Variants in MYLK observed in about 807,000 individuals in gnomAD.
MYLK encodes the protein myosin light chain kinase, also known as myosin light chain kinase, smooth muscle.
A neutral mutation model predicts 203.4 loss-of-function variants in MYLK; 106 were observed. That is an observed-to-expected ratio of 0.52 (90% CI 0.45 to 0.61). The LOEUF is 0.61. Among genes scored for constraint, MYLK ranks in the 20% least tolerant of loss-of-function variants. The probability of loss-of-function intolerance (pLI) is 0.00; values close to 1 mark genes in which losing one functional copy is unlikely to be tolerated. For synonymous variants in MYLK, 867 were observed against 959.5 expected (o/e 0.90, Z 1.78); for missense variants, 2,072 against 2,442.3 (o/e 0.85, Z 3.20).
chr3:123,856,376 T>A (rs1425835758), intron 2 of MYLK, among the ~76,000 whole-genome samples: 1 of 152,194 alleles, frequency 6.6e-6, no homozygotes, highest in Non-Finnish European at 1.5e-5. Context: ...GGCACATAAA[T>A]CTCAATGCTA....
intron 23 of MYLK, among the ~76,000 whole-genome samples, 165 bp from the exon 24 acceptor site, chr3:123,657,593 T>G (rs1233772521): frequency 6.6e-6 from 1 of 152,198 alleles, no homozygotes; most frequent in Non-Finnish European, 1.5e-5. Context: ...TAGAGCTATG[T>G]ACAAACCCAC....
At chr3:123,764,611 G>A (rs955305421) in intron 4 of MYLK, among the ~76,000 whole-genome samples, 2 of 152,104 alleles carry the variant, frequency 1.3e-5, no homozygotes, top group Non-Finnish European at 1.5e-5. Flanking sequence ...TGAGTACAAC[G>A]CTTTGCCCTG....
intron 20 of MYLK, among the ~76,000 whole-genome samples, chr3:123,670,056 A>AG (rs2059864815): frequency 6.6e-6 from 1 of 150,772 alleles, no homozygotes; most frequent in Non-Finnish European, 1.5e-5. Flanking sequence ...AAAAAAAAAA[A>AG]GCAAACATAG....
intron 3 of MYLK, among the ~76,000 whole-genome samples, chr3:123,794,424 G>A (rs904043268): frequency 1.3e-5 from 2 of 152,144 alleles, no homozygotes; most frequent in African/African-American, 4.8e-5. Context: ...GGCATGGGGG[G>A]ACATCCCACC....
At chr3:123,725,381 A>G (rs933440085) in intron 12 of MYLK, among the ~76,000 whole-genome samples, 29 of 152,194 alleles carry the variant, frequency 1.9e-4, no homozygotes, top group Admixed American at 2.0e-4. Flanking sequence ...TACGGCAAAT[A>G]ATTTTTTAAA....
rs914911472 is a variant in MYLK at position 123,692,197 on chromosome 3, C to A, written c.3565+538G>T. 2.5e-4 allele frequency: 136 copies of A among 537,100 alleles called. 1 individual carries two copies. The Admixed American group carries it at 4.8e-3, about 19-fold the overall frequency. 33.3% of individuals were successfully genotyped at this position (537,100 alleles called of 1,614,324 possible). On this transcript the variant is annotated intron_variant, in intron 19 of 33. Transcript: ENST00000360304. ...CTCCCCGATGTGTCCTCCCACCTCC[C>A]TCTGCAGTATTATTATTACTACTAC...
rs537466736 is a variant in MYLK at position 123,872,726 on chromosome 3, G to A, written c.-127+3833C>T. Among the ~76,000 whole-genome samples, 5 of 152,280 alleles carry A rather than the reference G, an allele frequency of 3.3e-5. No homozygotes were observed. The East Asian group carries it at 9.6e-4, about 29-fold the overall frequency. On this transcript the variant is annotated intron_variant, in intron 2 of 33. Transcript: ENST00000360304. ...TCCATGCCCTCTCCAGGCATTGCCA[G>A]CACCTTGCCAGCATCTCAGTGTGCT...
intron 31 of MYLK, 141 bp from the exon 32 acceptor site, chr3:123,620,477 G>C: frequency 6.4e-7 from 1 of 1,566,090 alleles, no homozygotes; most frequent in Non-Finnish European, 8.6e-7. Context: ...CCGAGGTTCT[G>C]CCAGAGGAGC....
intron 4 of MYLK, among the ~76,000 whole-genome samples, chr3:123,766,198 A>G (rs925058133): frequency 1.3e-5 from 2 of 152,238 alleles, no homozygotes; most frequent in African/African-American, 4.8e-5. Flanking sequence ...ACACTGCCTT[A>G]TAATAAATAA....
chr3:123,737,097 T>C (rs2062697698), intron 8 of MYLK: 2 of 447,812 alleles, frequency 4.5e-6, no homozygotes, highest in Non-Finnish European at 8.2e-6. Context: ...TGTGTGCCTG[T>C]AGTCCCAGCC....
chr3:123,830,893 G>T (rs1461885153), intron 3 of MYLK, among the ~76,000 whole-genome samples: 3 of 152,194 alleles, frequency 2.0e-5, no homozygotes, highest in Admixed American at 6.6e-5. Flanking sequence ...ATATTATTTA[G>T]AATATTTACT....
At chr3:123,709,472 T>G in intron 14 of MYLK, 1 of 415,810 alleles carries the variant, frequency 2.4e-6, no homozygotes, top group South Asian at 2.1e-5. Flanking sequence ...CTTCAAAACC[T>G]TCCAGCTACA....
intron 13 of MYLK, among the ~76,000 whole-genome samples, chr3:123,714,015 A>G (rs2108682485): frequency 6.6e-6 from 1 of 152,342 alleles, no homozygotes; most frequent in Admixed American, 6.5e-5. Flanking sequence ...TTGGTTGTGG[A>G]AATTCAACCT....
Position 123,614,143 on chromosome 3 carries a change from C to T in MYLK, c.5707G>A (p.Glu1903Lys). ...CTAELIVETM[E>K]EGEGEGEEEE... ...TCTTCCCCTTCCCCTTCACCTTCCT[C>T]CATCGTTTCCACAATGAGCTCTGCT... Residue 1903 changes from glutamate to lysine, a missense_variant, in exon 34 of 34, where the codon GAG becomes AAG. This residue lies in a region of MYLK where 524 missense variants were observed against 782.4 expected (regional missense o/e 0.67). Coordinates refer to ENST00000360304, the MANE Select transcript of MYLK (RefSeq NM_053025.4). 1 of 1,613,958 alleles carries T rather than the reference C, an allele frequency of 6.2e-7. No homozygotes were observed. Among genetic ancestry groups the T allele is most frequent in the Non-Finnish European group, 8.5e-7 (1 of 1,180,002 alleles).
At chr3:123,831,465 C>A (rs1318972653) in intron 3 of MYLK, 83 bp downstream of exon 3, 1 of 1,285,636 alleles carries the variant, frequency 7.8e-7, no homozygotes, top group South Asian at 1.2e-5. Context: ...CCTAGAAAGA[C>A]ACACAGCTCC....
At chr3:123,793,528 G>C in intron 4 of MYLK, 149 bp downstream of exon 4, 1 of 843,356 alleles carries the variant, frequency 1.2e-6, no homozygotes, top group Non-Finnish European at 1.8e-6. Context: ...AAAAGAAAGA[G>C]AAAAGTGGCA....
chr3:123,811,192 C>T (rs1224200425), intron 3 of MYLK, among the ~76,000 whole-genome samples: 3 of 152,146 alleles, frequency 2.0e-5, no homozygotes, highest in Non-Finnish European at 1.5e-5. Flanking sequence ...GGAGAAAGTG[C>T]GTGTCCCCTC....
At chr3:123,722,779 C>A (rs2062141995) in intron 12 of MYLK, among the ~76,000 whole-genome samples, 1 of 152,178 alleles carries the variant, frequency 6.6e-6, no homozygotes, top group South Asian at 2.1e-4. Context: ...ATTCAATTTT[C>A]CACTGTAGAT....
intron 4 of MYLK, among the ~76,000 whole-genome samples, chr3:123,782,337 G>A (rs1282961023): frequency 1.3e-5 from 2 of 152,212 alleles, no homozygotes; most frequent in Non-Finnish European, 2.9e-5. Context: ...TTAATTTTCT[G>A]TTTTGATATT....
Sources: gnomAD v4.1 joint callset for allele counts (sites outside exome capture counted in the v4.1 genomes callset) on GRCh38, gnomAD v4.1.1 for gene constraint, gnomAD v4.1.1 regional missense constraint, MANE v1.5 for transcripts, NCBI Gene and HGNC (gene_info 2026-07-23, HGNC 2026-07-21) for gene names.